THAP2: variants seen among roughly 807,000 people sequenced by gnomAD.
The protein encoded by THAP2 is THAP domain containing 2.
In THAP2, 16 loss-of-function variants were observed where a neutral mutation model predicts 18.8. The ratio of observed to expected loss-of-function variants is 0.85; its 90% CI spans 0.58 to 1.29. The LOEUF is 1.29. Ranked by LOEUF, THAP2 falls within the 50% of genes most tolerant of loss-of-function variation. THAP2 has a pLI of 0.00. For missense variants in THAP2, 251 were observed against 265.3 expected (o/e 0.95, Z 0.38); for synonymous variants, 80 against 89.2 (o/e 0.90, Z 0.58).
intron 1 of THAP2, among the ~76,000 whole-genome samples, chr12:71,667,177 C>T (rs1476426857): frequency 1.3e-5 from 2 of 152,206 alleles, no homozygotes; most frequent in Admixed American, 6.5e-5. Flanking sequence ...TAATGTCTCT[C>T]TACATTCATT....
rs1256864846 is a variant in THAP2, at chr12:71,680,260, T to C, written c.*3152T>C. 2.0e-5 allele frequency: 3 copies of C among 152,268 alleles called. No individual in the cohort carries two copies. Among genetic ancestry groups the C allele is most frequent in the African/African-American group, 4.8e-5 (2 of 41,466 alleles). The allele number at this position is 152,268 out of a possible 1,614,324, so 9.4% of individuals were successfully genotyped here. A position where few individuals can be genotyped will look rare whatever the true frequency, so the allele number is the denominator to read the frequency against. On this transcript the variant is annotated 3_prime_UTR_variant, in exon 3 of 3. Coordinates refer to ENST00000308086, the MANE Select transcript of THAP2 (RefSeq NM_031435.4). ...TGTCTGTGATCTAGATAGTTCTAGA[T>C]TGAACATAGATTTTCTGCCAACAAA...
chr12:71,665,939 C>T (rs1881333839), intron 1 of THAP2, among the ~76,000 whole-genome samples: 2 of 152,052 alleles, frequency 1.3e-5, no homozygotes, highest in African/African-American at 2.4e-5. Context: ...TATTTTTTTC[C>T]TTCACAGGGA....
At chr12:71,674,487 G>C in intron 2 of THAP2, 89 bp downstream of exon 2, 8 of 1,298,794 alleles carry the variant, frequency 6.2e-6, no homozygotes, top group South Asian at 1.7e-5. Context: ...TTCATTTATA[G>C]TGATATGCCT....
chr12:71,670,413 G>A (rs1190821438), intron 1 of THAP2, among the ~76,000 whole-genome samples: 4 of 152,034 alleles, frequency 2.6e-5, no homozygotes, highest in African/African-American at 9.7e-5. Context: ...TTCCTTAATA[G>A]GTACACACTG....
At chr12:71,671,804 T>C (rs763645040) in intron 1 of THAP2, among the ~76,000 whole-genome samples, 5 of 152,204 alleles carry the variant, frequency 3.3e-5, no homozygotes, top group Non-Finnish European at 5.9e-5. Flanking sequence ...ATTAAAGACA[T>C]TGAGTTTGAG....
intron 1 of THAP2, among the ~76,000 whole-genome samples, chr12:71,666,522 C>CA (rs1253997648): frequency 2.6e-5 from 4 of 151,252 alleles, no homozygotes; most frequent in Middle Eastern, 3.4e-3. Context: ...CAAGAAAAAA[C>CA]AAAAAACAAA....
chr12:71,667,663 T>C (rs1881365846), intron 1 of THAP2: 2 of 152,204 alleles, frequency 1.3e-5, no homozygotes, highest in African/African-American at 2.4e-5. Flanking sequence ...CTTCCATCCA[T>C]GCACTCCTAG....
In THAP2 at chr12:71,677,079, C is replaced by A. The variant is rs144524574; in HGVS notation, c.658C>A (p.Leu220Ile). The stretch of plus-strand genomic sequence containing the variant: ...AGATAAAACACTGCTAAGTCTAAAT[C>A]TAAAACAGACCAAGAGTACCTTCAT... ...QQDKTLLSLNLKQTKSTFI is the reference protein window; with the variant it reads ...QQDKTLLSLNIKQTKSTFI Residue 220 changes from leucine (L) to isoleucine (I), a missense_variant, in exon 3 of 3, where the codon CTA (leucine) becomes ATA (isoleucine). Leu to Ile is a conservative substitution (Grantham distance 5, BLOSUM62 2). Coordinates refer to ENST00000308086, the MANE Select transcript of THAP2 (RefSeq NM_031435.4). 1.9e-6 allele frequency: 3 copies of A among 1,602,224 alleles called. No homozygotes were observed. Among genetic ancestry groups the A allele is most frequent in the Non-Finnish European group, 2.6e-6 (3 of 1,173,554 alleles).
rs1343888124 is a variant in THAP2 at position 71,674,313 on chromosome 12, G to A, written c.182G>A (p.Cys61Tyr). 8.1e-6 allele frequency: 13 copies of A among 1,613,120 alleles called. No individual in the cohort carries two copies. Among genetic ancestry groups the A allele is most frequent in the Non-Finnish European group, 1.1e-5 (13 of 1,179,568 alleles). Reference protein sequence around the residue: ...FLCSKHFEASCFDLTGQTRRL... With the variant: ...FLCSKHFEASYFDLTGQTRRL... ...TGTTCAAAGCACTTTGAAGCCTCCT[G>A]TTTTGACCTAACAGGACAAACTCGA... Residue 61 changes from cysteine (C) to tyrosine (Y), a missense_variant, in exon 2 of 3, where the codon TGT (cysteine) becomes TAT (tyrosine). Cys to Tyr is a radical substitution (Grantham distance 194). Transcript: ENST00000308086.
chr12:71,668,202 G>A (rs1018266132), intron 1 of THAP2, among the ~76,000 whole-genome samples: 2 of 152,060 alleles, frequency 1.3e-5, no homozygotes, highest in East Asian at 1.9e-4. Flanking sequence ...ACACTCTACT[G>A]TCCCACCCTA....
chr12:71,677,097 A>G lies in THAP2; in HGVS notation c.676A>G (p.Thr226Ala). 3 of 1,581,798 alleles carry G rather than the reference A, an allele frequency of 1.9e-6. No individual in the cohort carries two copies. The highest frequency in any genetic ancestry group is 2.6e-6 in the Non-Finnish European group (3 of 1,163,554). Residue 226 changes from threonine to alanine, a missense_variant, in exon 3 of 3, where the codon ACC becomes GCC. Physicochemically the swap from Thr to Ala is moderately conservative, Grantham distance 58. Coordinates refer to ENST00000308086, the MANE Select transcript of THAP2 (RefSeq NM_031435.4). Reference protein sequence around the residue: ...LSLNLKQTKSTFI With the variant: ...LSLNLKQTKSAFI ...TCTAAATCTAAAACAGACCAAGAGTACCTTCATTTAAATTTAGCTTGCACA... is the reference window on the plus strand; with the variant it reads ...TCTAAATCTAAAACAGACCAAGAGTGCCTTCATTTAAATTTAGCTTGCACA...
Position 71,664,393 on chromosome 12 carries a change from A to G in THAP2, c.-117A>G. The G allele has an allele frequency of 7.8e-7, 1 of 1,275,220 alleles. No individual in the cohort carries two copies. The highest frequency in any genetic ancestry group is 1.1e-6 in the Non-Finnish European group (1 of 878,522). 79.0% of individuals were successfully genotyped at this position (1,275,220 alleles called of 1,614,324 possible). A position where few individuals can be genotyped will look rare whatever the true frequency, so the allele number is the denominator to read the frequency against. On this transcript the variant is annotated 5_prime_UTR_variant, in exon 1 of 3. Transcript: ENST00000308086. The stretch of plus-strand genomic sequence containing the variant: ...CCCTTCTTCCCACTCCGCTCTCACG[A>G]CTAAGCTCTCACGATTAAGGCACGC...
Position 71,677,269 on chromosome 12 carries a change from G to A in THAP2, c.*161G>A. 1 of 638,974 alleles carries A rather than the reference G, an allele frequency of 1.6e-6. No homozygotes were observed. Among genetic ancestry groups the A allele is most frequent in the Non-Finnish European group, 2.3e-6 (1 of 439,850 alleles). 39.6% of individuals were successfully genotyped at this position (638,974 alleles called of 1,614,324 possible). A position where few individuals can be genotyped will look rare whatever the true frequency, so the allele number is the denominator to read the frequency against. On this transcript the variant is annotated 3_prime_UTR_variant, in exon 3 of 3. Coordinates refer to ENST00000308086, the MANE Select transcript of THAP2 (RefSeq NM_031435.4). ...TACAAAAGAATAAAAAACTTCATAT[G>A]GAAATTTTATTTGAAAATGAGTGGA...
chr12:71,667,090 T>A (rs562465507), intron 1 of THAP2, among the ~76,000 whole-genome samples: 1 of 152,194 alleles, frequency 6.6e-6, no homozygotes. Context: ...ACTGTCTCTA[T>A]CTTTCTTACC....
At chr12:71,666,245 C>T (rs1348837293) in intron 1 of THAP2, among the ~76,000 whole-genome samples, 6 of 152,084 alleles carry the variant, frequency 3.9e-5, no homozygotes, top group Non-Finnish European at 7.4e-5. Context: ...TGTGGTGGCT[C>T]ACACCTGTAA....
intron 1 of THAP2, chr12:71,667,429 T>C (rs1881362200): frequency 6.6e-6 from 1 of 152,232 alleles, no homozygotes; most frequent in African/African-American, 2.4e-5. Context: ...TCCAGACCTA[T>C]AGGCCAAGTG....
Position 71,670,429 on chromosome 12 carries a change from A to C in THAP2, c.72-3774A>C, listed in dbSNP as rs966650213. 3.3e-5 allele frequency among the ~76,000 whole-genome samples: 5 copies of C among 152,280 alleles called. No homozygotes were observed. In the South Asian group the frequency reaches 1.0e-3, roughly 32 times the overall value. ...TCCTTAATAGGTACACACTGGATGC[A>C]TATCAGTGTACAGTTGACCCTTGAA... is the stretch of plus-strand genomic sequence containing the variant. On this transcript the variant is annotated intron_variant, in intron 1 of 2. Coordinates refer to ENST00000308086, the MANE Select transcript of THAP2 (RefSeq NM_031435.4).
At chr12:71,672,823 G>A (rs1881463864) in intron 1 of THAP2, among the ~76,000 whole-genome samples, 1 of 152,002 alleles carries the variant, frequency 6.6e-6, no homozygotes, top group Admixed American at 6.6e-5. Context: ...TGGGTATCAT[G>A]GTATTATTTA....
intron 1 of THAP2, 23 bp downstream of exon 1, chr12:71,664,603 G>C (rs1040277053): frequency 6.2e-7 from 1 of 1,613,898 alleles, no homozygotes; most frequent in African/African-American, 1.3e-5. Flanking sequence ...GGGAGTGGGG[G>C]TGACGGAAAC....
Sources: gnomAD v4.1 joint callset for allele counts (sites outside exome capture counted in the v4.1 genomes callset) on GRCh38, gnomAD v4.1.1 for gene constraint, MANE v1.5 for transcripts, NCBI Gene and HGNC (gene_info 2026-07-23, HGNC 2026-07-21) for gene names.